ANKRD27: variants seen among roughly 807,000 people sequenced by gnomAD.
ANKRD27 encodes the protein ankyrin repeat domain 27, also known as ankyrin repeat domain-containing protein 27.
A neutral mutation model predicts 129.7 loss-of-function variants in ANKRD27; 112 were observed. The observed-to-expected ratio is 0.86, with a 90% CI of 0.74 to 1.01. The LOEUF (loss-of-function observed/expected upper bound fraction) is 1.01. ANKRD27 is among the 50% of genes least tolerant of loss of function. The pLI, the probability that ANKRD27 is intolerant of heterozygous loss-of-function variation, is 0.00. For synonymous variants in ANKRD27, 516 were observed against 511.2 expected (o/e 1.01, Z -0.13); for missense variants, 1,258 against 1,300.5 (o/e 0.97, Z 0.50).
Position 32,598,014 on chromosome 19 carries a change from G to A in ANKRD27, c.*131C>T. On this transcript the variant is annotated 3_prime_UTR_variant, in exon 29 of 29. Coordinates refer to ENST00000306065, the MANE Select transcript of ANKRD27 (RefSeq NM_032139.3). ...CTTTCCTGCCACAGAAAAGCTTTCA[G>A]GAACTTGGTGCTGAAGACTTCTCAA... is the stretch of plus-strand genomic sequence containing the variant. 1 of 787,786 alleles carries A rather than the reference G, an allele frequency of 1.3e-6. No homozygotes were observed. The highest frequency in any genetic ancestry group is 2.0e-6 in the Non-Finnish European group (1 of 490,720). 48.8% of individuals were successfully genotyped at this position (787,786 alleles called of 1,614,324 possible). A position where few individuals can be genotyped will look rare whatever the true frequency, so the allele number is the denominator to read the frequency against.
At chr19:32,610,946 A>T (rs530199200) in intron 22 of ANKRD27, among the ~76,000 whole-genome samples, 7 of 152,138 alleles carry the variant, frequency 4.6e-5, no homozygotes, top group Non-Finnish European at 1.0e-4. Context: ...GTGCCACTGC[A>T]CTCCAGCCTG....
At chr19:32,626,973 G>T in intron 15 of ANKRD27, 146 bp from the exon 16 acceptor site, 1 of 590,220 alleles carries the variant, frequency 1.7e-6, no homozygotes. Context: ...AGGAACTACA[G>T]CTAATATAAA....
intron 1 of ANKRD27, among the ~76,000 whole-genome samples, chr19:32,669,685 G>T (rs968217704): frequency 6.6e-6 from 1 of 152,110 alleles, no homozygotes; most frequent in African/African-American, 2.4e-5. Flanking sequence ...GAGCTGGGAG[G>T]TAAGGACCAG....
chr19:32,639,435 T>C lies in ANKRD27; in HGVS notation c.1037A>G (p.Asp346Gly), dbSNP rs998351011. Residue 346 changes from aspartate (D) to glycine (G), a missense_variant, in exon 12 of 29, where the codon GAT becomes GGT. Asp to Gly is a moderately conservative substitution (Grantham distance 94). Transcript: ENST00000306065. ...KNFRFSSLAK[D>G]ELGYCLTSFE... ...TGAGGTCAGGCAGTATCCCAGTTCA[T>C]CCTTTGCCAAGCTGCTAAACCTGAA... is the stretch of plus-strand genomic sequence containing the variant. 1.9e-6 allele frequency: 3 copies of C among 1,614,050 alleles called. No homozygotes were observed. The highest frequency in any genetic ancestry group is 2.5e-6 in the Non-Finnish European group (3 of 1,180,036).
intron 13 of ANKRD27, among the ~76,000 whole-genome samples, chr19:32,629,250 T>G (rs1966947443): frequency 6.6e-6 from 1 of 152,196 alleles, no homozygotes; most frequent in Non-Finnish European, 1.5e-5. Context: ...CTCATCTATG[T>G]GTTTATGGAT....
Position 32,651,225 on chromosome 19 carries a change from G to A in ANKRD27, c.103-1433C>T, listed in dbSNP as rs572668019. ...TCCTAGAGGCCAAAGTGGGCCACAG[G>A]CAATGGGATCTAAAGAGCCAGTCCT... On this transcript the variant is annotated intron_variant, in intron 2 of 28. Coordinates refer to ENST00000306065, the MANE Select transcript of ANKRD27 (RefSeq NM_032139.3). Among the ~76,000 whole-genome samples the A allele has an allele frequency of 2.6e-5, 4 of 152,150 alleles. No individual in the cohort carries two copies. In the South Asian group the frequency reaches 6.2e-4, roughly 24 times the overall value.
chr19:32,597,164 C>CTTAT lies in ANKRD27; in HGVS notation c.*980_*981insATAA, dbSNP rs4207. On this transcript the variant is annotated 3_prime_UTR_variant, in exon 29 of 29. Coordinates refer to ENST00000306065, the MANE Select transcript of ANKRD27 (RefSeq NM_032139.3). Reference sequence around the variant, plus strand: ...CCAAGAACATGGACAAAACCATTTCCCTATCACAAGGTCATTTGAAAACGG... The same window carrying CTTAT: ...CCAAGAACATGGACAAAACCATTTCCTTATCTATCACAAGGTCATTTGAAAACGG... 1 of 137,512 alleles carries CTTAT rather than the reference C, an allele frequency of 7.3e-6. No individual in the cohort carries two copies. The highest frequency in any genetic ancestry group is 2.7e-4 in the East Asian group (1 of 3,768). 8.5% of individuals were successfully genotyped at this position (137,512 alleles called of 1,614,324 possible).
At chr19:32,651,121 T>G (rs1349945166) in intron 2 of ANKRD27, among the ~76,000 whole-genome samples, 1 of 152,092 alleles carries the variant, frequency 6.6e-6, no homozygotes, top group African/African-American at 2.4e-5. Flanking sequence ...AGGGAGGCCC[T>G]TAGATGTTAG....
chr19:32,656,364 T>C (rs1967537104), intron 2 of ANKRD27, among the ~76,000 whole-genome samples: 2 of 152,202 alleles, frequency 1.3e-5, no homozygotes, highest in Non-Finnish European at 2.9e-5. Flanking sequence ...GGCCAGGCCC[T>C]CCCTGATCCA....
intron 17 of ANKRD27, 38 bp downstream of exon 17, chr19:32,625,836 G>A: frequency 6.8e-7 from 1 of 1,477,120 alleles, no homozygotes; most frequent in Non-Finnish European, 9.1e-7. Flanking sequence ...GTGGGAAAGG[G>A]TGAACGCAGC....
At chr19:32,656,103 G>GAAAGAAAGAAAGAAAGAAAGAGAGAAAGA (rs1555747136) in intron 2 of ANKRD27, among the ~76,000 whole-genome samples, 1 of 123,702 alleles carries the variant, frequency 8.1e-6, no homozygotes, top group Non-Finnish European at 1.6e-5. Context: ...AAGAAAGAAA[G>GAAAGAAAGAAAGAAAGAAAGAGAGAAAGA]AAAGAAAAGA....
chr19:32,634,868 T>G (rs978409028), intron 12 of ANKRD27, among the ~76,000 whole-genome samples: 1 of 152,042 alleles, frequency 6.6e-6, no homozygotes, highest in Admixed American at 6.6e-5. Context: ...TGAGCTGAGA[T>G]TGCACCACTG....
chr19:32,659,942 TA>T (rs1049544597), intron 1 of ANKRD27, among the ~76,000 whole-genome samples: 1 of 151,972 alleles, frequency 6.6e-6, no homozygotes, highest in Non-Finnish European at 1.5e-5. Flanking sequence ...ACAATAAAAA[TA>T]AACAATTATC....
At chr19:32,623,500 T>C (rs4805780) in intron 17 of ANKRD27, among the ~76,000 whole-genome samples, 84,354 of 151,472 alleles carry the variant, frequency 0.56, 24,143 homozygotes, top group Non-Finnish European at 0.64. Context: ...TCCAACTCAC[T>C]GCTGGAAGAA....
intron 12 of ANKRD27, 108 bp downstream of exon 12, chr19:32,639,248 T>A: frequency 3.6e-6 from 5 of 1,380,834 alleles, no homozygotes; most frequent in Non-Finnish European, 5.0e-6. Flanking sequence ...GAGGCCCCAT[T>A]CCTGGGAGGC....
intron 22 of ANKRD27, chr19:32,608,510 A>G: frequency 4.5e-6 from 1 of 223,114 alleles, no homozygotes; most frequent in Non-Finnish European, 9.8e-6. Context: ...ACCTCTTTAA[A>G]AAAAAAAACT....
At position 32,640,398 on chromosome 19, in the gene ANKRD27, A is replaced by G. The variant is rs775310010; in HGVS notation, c.905-13T>C. On this transcript the variant is annotated splice_polypyrimidine_tract_variant and intron_variant, in intron 10 of 28. Coordinates refer to ENST00000306065, the MANE Select transcript of ANKRD27 (RefSeq NM_032139.3). ...GTCTCCAGGTTCACTGCAAAGGGGA[A>G]ACACACATTCAATGCCATCATGAGA... 6.2e-7 allele frequency: 1 copy of G among 1,611,202 alleles called. No individual in the cohort carries two copies. The highest frequency in any genetic ancestry group is 8.5e-7 in the Non-Finnish European group (1 of 1,177,396).
chr19:32,625,886 G>C lies in ANKRD27; in HGVS notation c.1617C>G (p.Tyr539Ter). The C allele has an allele frequency of 1.9e-6, 3 of 1,600,352 alleles. No individual in the cohort carries two copies. The highest frequency in any genetic ancestry group is 2.6e-6 in the Non-Finnish European group (3 of 1,174,900). ...AAGAGCCACTCACGTCCTCGTGGCC[G>C]TAGGTGCAGGCCAGGTGGAGTGGCG... ...GNTPLHLACT[Y>*]GHEDCVKALV... The change falls in exon 17 of 29, where the codon TAC (tyrosine) becomes TAG (stop). Residue 539 changes from tyrosine to a stop codon, truncating the protein, a stop_gained. Transcript: ENST00000306065. LOFTEE classifies it high-confidence loss of function.
rs368577452 is a variant in ANKRD27 at position 32,607,485 on chromosome 19, T to C, written c.2373+150A>G. On this transcript the variant is annotated intron_variant, in intron 23 of 28. Coordinates refer to ENST00000306065, the MANE Select transcript of ANKRD27 (RefSeq NM_032139.3). ...CAAGGCTCTGTGCTCCGAGGCTGAGTGGCCTACCGTGTGCACCTCAGAATC... is the reference window on the plus strand; with the variant it reads ...CAAGGCTCTGTGCTCCGAGGCTGAGCGGCCTACCGTGTGCACCTCAGAATC... 9 of 903,744 alleles carry C rather than the reference T, an allele frequency of 1.0e-5. No homozygotes were observed. The East Asian group carries it at 2.1e-4, about 21-fold the overall frequency. 56.0% of individuals were successfully genotyped at this position (903,744 alleles called of 1,614,324 possible). A position where few individuals can be genotyped will look rare whatever the true frequency, so the allele number is the denominator to read the frequency against.
Sources: gnomAD v4.1 joint callset for allele counts (sites outside exome capture counted in the v4.1 genomes callset) on GRCh38, gnomAD v4.1.1 for gene constraint, MANE v1.5 for transcripts, NCBI Gene and HGNC (gene_info 2026-07-23, HGNC 2026-07-21) for gene names.